GSDMC: variants seen among roughly 807,000 people sequenced by gnomAD.
GSDMC encodes the protein gasdermin C, also known as gasdermin-C.
Under a neutral mutation model 58.0 loss-of-function variants are expected in GSDMC, and 59 were observed. That is an observed-to-expected ratio of 1.02 (90% CI 0.82 to 1.26). The LOEUF is 1.26. GSDMC is among the 50% of genes most tolerant of loss of function. The pLI is 0.00. For synonymous variants in GSDMC, 241 were observed against 220.2 expected (o/e 1.09, Z -0.83); for missense variants, 659 against 598.5 (o/e 1.10, Z -1.06).
chr8:129,720,389 T>G, the GSDMC span, among the ~76,000 whole-genome samples: 1 of 152,314 alleles, frequency 6.6e-6, no homozygotes, highest in African/African-American at 2.4e-5. Context: ...TTTCTTTTTT[T>G]GTCTAAATTC....
intron 1 of GSDMC, among the ~76,000 whole-genome samples, chr8:129,780,819 A>G (rs1021738741): frequency 9.2e-5 from 14 of 152,338 alleles, no homozygotes; most frequent in African/African-American, 3.4e-4. Context: ...TAAACCAATC[A>G]AAAGCAACTA....
chr8:129,743,657 G>A (rs1362652152), downstream of GSDMC, among the ~76,000 whole-genome samples: 2 of 152,168 alleles, frequency 1.3e-5, no homozygotes, highest in Non-Finnish European at 2.9e-5. Flanking sequence ...TATTGAATGT[G>A]TCTGGATTTT....
chr8:129,756,770 A>G (rs1485080954), intron 6 of GSDMC, among the ~76,000 whole-genome samples: 1 of 152,188 alleles, frequency 6.6e-6, no homozygotes, highest in Non-Finnish European at 1.5e-5. Context: ...AAACCATACA[A>G]ATACATGGAA....
the GSDMC span, among the ~76,000 whole-genome samples, chr8:129,727,358 T>A: frequency 6.6e-6 from 1 of 152,002 alleles, no homozygotes; most frequent in Non-Finnish European, 1.5e-5. Context: ...AGAAGGAAAA[T>A]GGGAATCCAC....
chr8:129,734,350 A>G, the GSDMC span, among the ~76,000 whole-genome samples: 19,310 of 152,066 alleles, frequency 0.13, 2,117 homozygotes, highest in African/African-American at 0.3. Context: ...CCTCGAGAAG[A>G]GCAACCCCAA....
intron 6 of GSDMC, among the ~76,000 whole-genome samples, chr8:129,756,916 G>T (rs572825195): frequency 6.6e-6 from 1 of 151,964 alleles, no homozygotes; most frequent in South Asian, 2.1e-4. Context: ...AGTACAAAGA[G>T]GCATATTTAT....
In GSDMC at chr8:129,752,686, C is replaced by A. The variant is rs768579369; in HGVS notation, c.844+12G>T. ...AACATAGAAGTAAAAATAAAGTGAG[C>A]AATCACAGTACCTGGTTTTAACTTC... On this transcript the variant is annotated intron_variant, in intron 7 of 13. Coordinates refer to ENST00000276708, the MANE Select transcript of GSDMC (RefSeq NM_031415.3). The A allele has an allele frequency of 1.4e-5, 23 of 1,613,906 alleles. No homozygotes were observed. The highest frequency in any genetic ancestry group is 2.2e-5 in the South Asian group (2 of 91,044).
the GSDMC span, among the ~76,000 whole-genome samples, chr8:129,721,576 T>C: frequency 1.4e-5 from 2 of 147,306 alleles, no homozygotes; most frequent in Non-Finnish European, 2.9e-5. Flanking sequence ...TGGTAGAAAT[T>C]CCAACTCAAA....
At chr8:129,760,832 C>T (rs1226128879) in intron 5 of GSDMC, among the ~76,000 whole-genome samples, 1 of 152,176 alleles carries the variant, frequency 6.6e-6, no homozygotes, top group African/African-American at 2.4e-5. Context: ...GAACTCAGCT[C>T]CCTTTGACCT....
At chr8:129,769,800 C>T (rs761610414) in intron 3 of GSDMC, among the ~76,000 whole-genome samples, 2 of 152,112 alleles carry the variant, frequency 1.3e-5, no homozygotes, top group Non-Finnish European at 2.9e-5. Flanking sequence ...ATAAAAAACT[C>T]AGTTGTCCTT....
intron 6 of GSDMC, among the ~76,000 whole-genome samples, chr8:129,753,277 G>C (rs369886559): frequency 6.6e-6 from 1 of 152,182 alleles, no homozygotes; most frequent in Admixed American, 6.5e-5. Flanking sequence ...AGAGTACAGA[G>C]GATTCTGTCC....
chr8:129,756,026 C>T (rs1179176353), intron 6 of GSDMC, among the ~76,000 whole-genome samples: 2 of 150,910 alleles, frequency 1.3e-5, no homozygotes, highest in East Asian at 3.9e-4. Context: ...TGTAAATGGG[C>T]TAAACTCATC....
chr8:129,732,066 A>G, the GSDMC span, among the ~76,000 whole-genome samples: 2 of 152,176 alleles, frequency 1.3e-5, no homozygotes, highest in Admixed American at 6.5e-5. Flanking sequence ...ATACAATAGC[A>G]TCAAGAGGTG....
At chr8:129,728,276 G>A in the GSDMC span, among the ~76,000 whole-genome samples, 49,306 of 151,950 alleles carry the variant, frequency 0.32, 11,592 homozygotes, top group African/African-American at 0.65. Flanking sequence ...CACTCAACTT[G>A]ATAAGAAGCC....
At chr8:129,775,710 T>C (rs756516516) in intron 3 of GSDMC, among the ~76,000 whole-genome samples, 73 of 152,194 alleles carry the variant, frequency 4.8e-4, no homozygotes, top group Admixed American at 9.2e-4. Context: ...GTTATTTAAA[T>C]AAACAGTTTT....
chr8:129,769,047 C>T (rs2033961845), intron 3 of GSDMC, among the ~76,000 whole-genome samples: 1 of 150,782 alleles, frequency 6.6e-6, no homozygotes, highest in African/African-American at 2.5e-5. Flanking sequence ...CACTGCACTC[C>T]AGCCTGAGTG....
chr8:129,707,489 T>C, the GSDMC span, among the ~76,000 whole-genome samples: 1 of 152,234 alleles, frequency 6.6e-6, no homozygotes, highest in African/African-American at 2.4e-5. Context: ...TTAATTTTAC[T>C]GTTCTTCTTT....
intron 7 of GSDMC, 105 bp downstream of exon 7, chr8:129,752,593 G>A: frequency 1.3e-6 from 2 of 1,484,324 alleles, no homozygotes; most frequent in Non-Finnish European, 1.8e-6. Flanking sequence ...TGCAATAGAA[G>A]CCTACATGGT....
the GSDMC span, among the ~76,000 whole-genome samples, chr8:129,725,356 G>T: frequency 9.2e-5 from 14 of 152,056 alleles, no homozygotes; most frequent in African/African-American, 2.9e-4. Flanking sequence ...ACACTCATGC[G>T]TTCTTTTCTT....
Sources: gnomAD v4.1 joint callset for allele counts (sites outside exome capture counted in the v4.1 genomes callset) on GRCh38, gnomAD v4.1.1 for gene constraint, MANE v1.5 for transcripts, NCBI Gene and HGNC (gene_info 2026-07-23, HGNC 2026-07-21) for gene names.